DCC: variants seen among roughly 807,000 people sequenced by gnomAD.
The protein encoded by DCC is netrin receptor DCC.
In DCC, 58 loss-of-function variants were observed where a neutral mutation model predicts 172.5. The observed-to-expected ratio is 0.34, with a 90% CI of 0.27 to 0.42. DCC has a LOEUF of 0.42. Ranked by LOEUF, DCC falls within the 10% of genes least tolerant of loss-of-function variation. DCC has a pLI of 1.00. For synonymous variants in DCC, 709 were observed against 644.5 expected (o/e 1.10, Z -1.52); for missense variants, 1,740 against 1,791.0 (o/e 0.97, Z 0.51).
chr18:52,535,429 T>A (rs1365635993), intron 1 of DCC, among the ~76,000 whole-genome samples: 1 of 152,166 alleles, frequency 6.6e-6, no homozygotes, highest in African/African-American at 2.4e-5. Context: ...TATTACTCAT[T>A]GTATCCCATT....
intron 1 of DCC, among the ~76,000 whole-genome samples, chr18:52,564,678 G>A (rs1469277597): frequency 8.3e-6 from 1 of 121,118 alleles, no homozygotes; most frequent in African/African-American, 3.1e-5. Flanking sequence ...GGGGGGGGGG[G>A]TGTTAAAATG....
chr18:52,857,308 AGAG>A (rs1189394588), intron 2 of DCC, among the ~76,000 whole-genome samples: 3 of 152,236 alleles, frequency 2.0e-5, no homozygotes, highest in Non-Finnish European at 4.4e-5. Context: ...TGGATGGGCA[AGAG>A]TAGCATTAAT....
intron 5 of DCC, among the ~76,000 whole-genome samples, chr18:53,050,002 A>G (rs1481870902): frequency 6.6e-6 from 1 of 152,112 alleles, no homozygotes; most frequent in East Asian, 1.9e-4. Context: ...GTCTGTGGCC[A>G]AAGGCCTGAG....
intron 1 of DCC, among the ~76,000 whole-genome samples, chr18:52,343,593 A>T (rs994601849): frequency 6.6e-6 from 1 of 152,174 alleles, no homozygotes; most frequent in Admixed American, 6.5e-5. Context: ...TATATATTTG[A>T]CATGAGCCAC....
intron 1 of DCC, among the ~76,000 whole-genome samples, chr18:52,578,025 A>C (rs2033455935): frequency 6.6e-6 from 1 of 152,204 alleles, no homozygotes; most frequent in African/African-American, 2.4e-5. Flanking sequence ...AGGATCACCA[A>C]GGCAACGAGG....
intron 5 of DCC, among the ~76,000 whole-genome samples, chr18:52,967,607 CTCTT>C (rs1203262005): frequency 3.3e-5 from 5 of 152,272 alleles, no homozygotes; most frequent in African/African-American, 9.6e-5. Context: ...GTCTGTCTCT[CTCTT>C]CAAGTTCTGG....
At chr18:52,475,785 G>T (rs1989075539) in intron 1 of DCC, among the ~76,000 whole-genome samples, 1 of 152,122 alleles carries the variant, frequency 6.6e-6, no homozygotes, top group Admixed American at 6.5e-5. Context: ...TAATAATGAT[G>T]AATTTCTCAA....
At chr18:52,997,960 C>A (rs1349788646) in intron 5 of DCC, among the ~76,000 whole-genome samples, 1 of 152,056 alleles carries the variant, frequency 6.6e-6, no homozygotes, top group Non-Finnish European at 1.5e-5. Flanking sequence ...ATAACCTCAT[C>A]TCTCAGGTTC....
chr18:53,066,973 C>T (rs1380055490), intron 7 of DCC, among the ~76,000 whole-genome samples: 2 of 151,874 alleles, frequency 1.3e-5, no homozygotes, highest in Non-Finnish European at 2.9e-5. Flanking sequence ...TTTAAACAAC[C>T]AGATCTCATG....
At chr18:52,388,196 C>T (rs1985892118) in intron 1 of DCC, among the ~76,000 whole-genome samples, 1 of 152,040 alleles carries the variant, frequency 6.6e-6, no homozygotes, top group Middle Eastern at 3.4e-3. Flanking sequence ...CGTTCAACTT[C>T]TCTATTTTTT....
rs905762459 is a variant in DCC at position 53,022,997 on chromosome 18, G to A, written c.986-40308G>A. ...ATTAATACCACACAAATAGGTTAAC[G>A]CTATAAATCTCGACTTTTTGGAAGG... is the stretch of plus-strand genomic sequence containing the variant. On this transcript the variant is annotated intron_variant, in intron 5 of 28. Coordinates refer to ENST00000442544, the MANE Select transcript of DCC (RefSeq NM_005215.4). Among the ~76,000 whole-genome samples, 8 of 152,116 alleles carry A rather than the reference G, an allele frequency of 5.3e-5. No individual in the cohort carries two copies. In the East Asian group the frequency reaches 7.7e-4, roughly 15 times the overall value.
At chr18:52,876,689 C>A (rs1256024256) in intron 2 of DCC, among the ~76,000 whole-genome samples, 2 of 152,166 alleles carry the variant, frequency 1.3e-5, no homozygotes, top group Non-Finnish European at 2.9e-5. Flanking sequence ...CCATAAATAT[C>A]TTTGTAAATG....
intron 25 of DCC, among the ~76,000 whole-genome samples, chr18:53,477,899 C>A (rs1341187720): frequency 6.6e-6 from 1 of 152,150 alleles, no homozygotes; most frequent in African/African-American, 2.4e-5. Flanking sequence ...AGCCTAGTTA[C>A]CCTTACCATA....
chr18:53,013,136 G>A (rs2041754855), intron 5 of DCC, among the ~76,000 whole-genome samples: 1 of 152,108 alleles, frequency 6.6e-6, no homozygotes, highest in African/African-American at 2.4e-5. Flanking sequence ...GTATAAATTA[G>A]TTCAACCATT....
intron 7 of DCC, among the ~76,000 whole-genome samples, chr18:53,105,838 A>G (rs527761441): frequency 6.6e-6 from 1 of 151,652 alleles, no homozygotes; most frequent in Non-Finnish European, 1.5e-5. Context: ...TTCTGCCATC[A>G]TGCCTGCCTG....
At chr18:52,865,146 T>A (rs1327619558) in intron 2 of DCC, among the ~76,000 whole-genome samples, 1 of 152,158 alleles carries the variant, frequency 6.6e-6, no homozygotes, top group Non-Finnish European at 1.5e-5. Context: ...ATTACAGGTG[T>A]GAGCCACCAC....
intron 5 of DCC, among the ~76,000 whole-genome samples, chr18:52,926,922 T>TATACACACAC (rs756222061): frequency 1.8e-5 from 2 of 113,686 alleles, no homozygotes; most frequent in African/African-American, 6.0e-5. Flanking sequence ...CGTATACATA[T>TATACACACAC]ATATGTATAT....
At chr18:52,562,161 T>C (rs547646622) in intron 1 of DCC, among the ~76,000 whole-genome samples, 2 of 152,282 alleles carry the variant, frequency 1.3e-5, no homozygotes, top group Non-Finnish European at 2.9e-5. Context: ...ACAAGTTCAC[T>C]AAGCTCTCAG....
intron 1 of DCC, 172 bp from the exon 2 acceptor site, chr18:52,751,882 G>T (rs2036999949): frequency 1.6e-6 from 1 of 608,240 alleles, no homozygotes; most frequent in Non-Finnish European, 2.9e-6. Flanking sequence ...CCTCGACTGG[G>T]TACTTTTTTG....
Sources: gnomAD v4.1 joint callset for allele counts (sites outside exome capture counted in the v4.1 genomes callset) on GRCh38, gnomAD v4.1.1 for gene constraint, MANE v1.5 for transcripts, NCBI Gene and HGNC (gene_info 2026-07-23, HGNC 2026-07-21) for gene names.